The following CDKL5 variants were observed in gnomAD, a reference collection of about 807,000 sequenced individuals.
The protein encoded by CDKL5 is cyclin dependent kinase like 5.
A neutral mutation model predicts 61.7 loss-of-function variants in CDKL5; 8 were observed. The ratio of observed to expected loss-of-function variants is 0.13; its 90% CI spans 0.08 to 0.23. CDKL5 has a LOEUF of 0.23. CDKL5 is among the 10% of genes least tolerant of loss of function. The pLI is 1.00. For synonymous variants in CDKL5, 275 were observed against 272.3 expected (o/e 1.01, Z -0.10); for missense variants, 440 against 734.5 (o/e 0.60, Z 4.63).
Position 18,597,216 on chromosome X carries a change from G to GT in CDKL5, c.826-1240dup, listed in dbSNP as rs1272004456. Among the ~76,000 whole-genome samples the GT allele has an allele frequency of 6.4e-5, 7 of 108,550 alleles. No individual in the cohort carries two copies. In the East Asian group the frequency reaches 2.0e-3, roughly 31 times the overall value. The allele number at this position is 108,550 out of a possible 115,157, so 94.3% of individuals were successfully genotyped here. A position where few individuals can be genotyped will look rare whatever the true frequency, so the allele number is the denominator to read the frequency against. ...TTATATAAATAGAATCATTCCTTTT[G>GT]TTTTTTAGCTTTTTTTGAAAATGAA... On this transcript the variant is annotated intron_variant, in intron 10 of 17. Transcript: ENST00000623535.
chrX:18,531,165 T>C (rs1191832633), intron 3 of CDKL5, among the ~76,000 whole-genome samples: 1 of 112,405 alleles, frequency 8.9e-6, no homozygotes, highest in Non-Finnish European at 1.9e-5. Context: ...GGACTGTCTT[T>C]GGCTGATTTC....
chrX:18,484,378 C>T (rs999998931), intron 1 of CDKL5, among the ~76,000 whole-genome samples: 8 of 109,798 alleles, frequency 7.3e-5, no homozygotes, highest in Admixed American at 2.0e-4. Context: ...GCAGTGGTGG[C>T]GCGATCTCGG....
chrX:18,561,353 A>C (rs771315789), intron 3 of CDKL5, among the ~76,000 whole-genome samples: 3 of 110,931 alleles, frequency 2.7e-5, no homozygotes, highest in Non-Finnish European at 5.7e-5. Context: ...TGAGCTAAAC[A>C]TGAATGCAAA....
At chrX:18,590,064 A>G (rs1188296871) in intron 9 of CDKL5, among the ~76,000 whole-genome samples, 1 of 111,459 alleles carries the variant, frequency 9.0e-6, no homozygotes, top group African/African-American at 3.3e-5. Context: ...TAGATTGCAA[A>G]AATTTTCTCC....
chrX:18,613,217 C>A lies in CDKL5; in HGVS notation c.2218C>A (p.Pro740Thr), dbSNP rs775950681. The A allele has an allele frequency of 8.4e-7, 1 of 1,196,836 alleles. No homozygotes were observed. The highest frequency in any genetic ancestry group is 1.1e-6 in the Non-Finnish European group (1 of 885,709). Residue 740 changes from proline (P) to threonine (T), a missense_variant, in exon 15 of 18, where the codon CCA (proline) becomes ACA (threonine). Coordinates refer to ENST00000623535, the MANE Select transcript of CDKL5 (RefSeq NM_001323289.2). ...NNVSTRVSSL[P>T]SESSSGTNHS... is the part of the protein sequence containing the mutation. ...TGTGTCAACTAGAGTTTCTTCTCTA[C>A]CATCAGAGAGCAGTTCTGGAACCAA...
intron 1 of CDKL5, chrX:18,426,312 G>A (rs1931367208): frequency 8.8e-6 from 1 of 113,122 alleles, no homozygotes. Context: ...GTGCGGGGAA[G>A]AAGAATGGCC....
At chrX:18,447,455 A>G (rs1468127817) in intron 1 of CDKL5, among the ~76,000 whole-genome samples, 2 of 111,770 alleles carry the variant, frequency 1.8e-5, no homozygotes, top group Non-Finnish European at 3.8e-5. Flanking sequence ...TTCAAATTTT[A>G]GCTGTTGCTT....
intron 4 of CDKL5, among the ~76,000 whole-genome samples, chrX:18,572,815 T>C (rs889033800): frequency 8.9e-6 from 1 of 112,119 alleles, no homozygotes; most frequent in African/African-American, 3.2e-5. Context: ...TGTATATTGT[T>C]GAACAGAAGA....
rs536639928 is a variant in CDKL5 at position 18,483,477 on chromosome X, G to A, written c.-162-23458G>A. 4.3e-3 allele frequency among the ~76,000 whole-genome samples: 475 copies of A among 110,601 alleles called. 2 individuals are homozygous for A. In the Middle Eastern group the frequency reaches 0.046, roughly 11 times the overall value. On this transcript the variant is annotated intron_variant, in intron 1 of 17. Transcript: ENST00000623535. ...CTGTTGCCCAGGCTGGAGTGCAGTGGCACAATTTTGGCTCACTGCAACCTC... is the reference window on the plus strand; with the variant it reads ...CTGTTGCCCAGGCTGGAGTGCAGTGACACAATTTTGGCTCACTGCAACCTC...
At chrX:18,640,436 C>CCCA (rs1569228120), downstream of CDKL5, 1 of 44,667 alleles carries the variant, frequency 2.2e-5, no homozygotes, top group East Asian at 8.0e-4. Context: ...GTCCCCCCAC[C>CCCA]CCCCCCCCCC....
At position 18,555,913 on chromosome X, in the gene CDKL5, C is replaced by G. The variant is rs566401295; in HGVS notation, c.100-8564C>G. ...TTTGGTCTGAAGTATTGAAATTTAG[C>G]AGTAAATCTAACTTTTAGTATTGAC... On this transcript the variant is annotated intron_variant, in intron 3 of 17. Transcript: ENST00000623535. 4.5e-5 allele frequency among the ~76,000 whole-genome samples: 5 copies of G among 112,101 alleles called. No homozygotes were observed. In the South Asian group the frequency reaches 1.8e-3, roughly 41 times the overall value.
intron 3 of CDKL5, among the ~76,000 whole-genome samples, chrX:18,559,253 C>T (rs756960619): frequency 8.9e-6 from 1 of 111,851 alleles, no homozygotes; most frequent in Non-Finnish European, 1.9e-5. Flanking sequence ...TCTGTCATCA[C>T]GCTGGAGTGC....
intron 3 of CDKL5, among the ~76,000 whole-genome samples, chrX:18,513,504 T>G (rs759848802): frequency 8.1e-5 from 9 of 111,501 alleles, no homozygotes; most frequent in African/African-American, 2.9e-4. Context: ...AAAAAACAAG[T>G]CTGTGAGGTT....
At position 18,632,965 on chromosome X, in the gene CDKL5, C is replaced by T. The variant is rs559824660; in HGVS notation, c.*4208C>T. The T allele has an allele frequency of 1.4e-4, 109 of 752,570 alleles. No homozygotes were observed. The highest frequency in any genetic ancestry group is 1.6e-4 in the Non-Finnish European group (103 of 638,899). 62.0% of individuals were successfully genotyped at this position (752,570 alleles called of 1,213,427 possible). ...TTTCAAAGGCCAGAGGATTACTTTG[C>T]AAGTGTGTAGAAAGATCTGTCTATT... is the stretch of plus-strand genomic sequence containing the variant. On this transcript the variant is annotated 3_prime_UTR_variant, in exon 18 of 18. Coordinates refer to ENST00000623535, the MANE Select transcript of CDKL5 (RefSeq NM_001323289.2).
At chrX:18,512,268 T>A (rs1247934354) in intron 3 of CDKL5, among the ~76,000 whole-genome samples, 1 of 112,051 alleles carries the variant, frequency 8.9e-6, no homozygotes, top group Non-Finnish European at 1.9e-5. Flanking sequence ...TTTCGTGATG[T>A]TTCAGAATGA....
intron 7 of CDKL5, among the ~76,000 whole-genome samples, chrX:18,582,552 T>C (rs1415130986): frequency 8.9e-6 from 1 of 111,761 alleles, no homozygotes; most frequent in African/African-American, 3.2e-5. Context: ...GAAAAAATTT[T>C]AGATTGTATG....
At chrX:18,582,261 T>G (rs148720315) in intron 7 of CDKL5, among the ~76,000 whole-genome samples, 1,557 of 112,002 alleles carry the variant, frequency 0.014, 27 homozygotes, top group African/African-American at 0.046. Flanking sequence ...GTTCCAGGTT[T>G]AATCATGAAC....
At position 18,628,984 on chromosome X, in the gene CDKL5, A is replaced by C; in HGVS notation, c.*227A>C. The stretch of plus-strand genomic sequence containing the variant: ...AGTTCCTTAGGGATCGCCACTCCCC[A>C]CAGGTCTTGTGTGAGAATAGATAGA... On this transcript the variant is annotated 3_prime_UTR_variant, in exon 18 of 18. Transcript: ENST00000623535. The C allele has an allele frequency of 2.0e-6, 2 of 1,007,655 alleles. No homozygotes were observed. The highest frequency in any genetic ancestry group is 1.3e-6 in the Non-Finnish European group (1 of 797,810). 83.0% of individuals were successfully genotyped at this position (1,007,655 alleles called of 1,213,427 possible).
At chrX:18,567,800 G>A (rs928758920) in intron 4 of CDKL5, among the ~76,000 whole-genome samples, 2 of 111,433 alleles carry the variant, frequency 1.8e-5, no homozygotes, top group African/African-American at 6.5e-5. Flanking sequence ...TAGGAGGCTC[G>A]CTTGAGCCCA....
Sources: allele counts gnomAD v4.1 joint callset (sites outside exome capture counted in the v4.1 genomes callset), GRCh38; gene constraint gnomAD v4.1.1; transcripts MANE v1.5; gene names NCBI Gene and HGNC (gene_info 2026-07-23, HGNC 2026-07-21).